Variants in TBX1 observed in about 807,000 individuals in gnomAD.
TBX1 encodes T-box transcription factor TBX1.
A neutral mutation model predicts 40.8 loss-of-function variants in TBX1; 16 were observed. The ratio of observed to expected loss-of-function variants is 0.39; its 90% CI spans 0.27 to 0.60. The LOEUF is 0.60. TBX1 is among the 20% of genes least tolerant of loss of function. TBX1 has a pLI of 0.51. For synonymous variants in TBX1, 403 were observed against 336.8 expected, an observed-to-expected ratio of 1.20 and a Z score of -2.15; for missense variants, 755 against 728.5, an observed-to-expected ratio of 1.04 and a Z score of -0.42.
At chr22:19,759,733 T>A, upstream of TBX1, 1 of 1,595,794 alleles carries the variant, frequency 6.3e-7, no homozygotes, top group Non-Finnish European at 8.6e-7. Flanking sequence ...CTGCCTCAGC[T>A]GCTGTGGGGC....
Position 19,766,375 on chromosome 22 carries a change from G to A in TBX1, c.1037-14G>A. On this transcript the variant is annotated splice_polypyrimidine_tract_variant and intron_variant, in intron 6 of 6. Transcript: ENST00000649276. ...CCCCGGCCGGCCGCGCTCACTCCTC[G>A]GCCCTCTCCGCAGACGCGGCTGAGG... 7.7e-7 allele frequency: 1 copy of A among 1,306,880 alleles called. No individual in the cohort carries two copies. Among genetic ancestry groups the A allele is most frequent in the South Asian group, 2.0e-5 (1 of 50,336 alleles). 81.0% of individuals were successfully genotyped at this position (1,306,880 alleles called of 1,614,324 possible). A position where few individuals can be genotyped will look rare whatever the true frequency, so the allele number is the denominator to read the frequency against.
At chr22:19,762,015 G>A (rs1045493508) in intron 1 of TBX1, among the ~76,000 whole-genome samples, 1 of 152,272 alleles carries the variant, frequency 6.6e-6, no homozygotes, top group African/African-American at 2.4e-5. Context: ...CCAGCTCGGA[G>A]TCCGAACAGC....
intron 8 of TBX1, among the ~76,000 whole-genome samples, chr22:19,776,199 C>T (rs549818670): frequency 2.4e-4 from 36 of 152,158 alleles, no homozygotes; most frequent in African/African-American, 7.5e-4. Context: ...GGCCTGTGCT[C>T]GTGGCTCCGT....
intron 4 of TBX1, 146 bp downstream of exon 4, chr22:19,765,259 C>T: frequency 7.9e-7 from 1 of 1,262,776 alleles, no homozygotes; most frequent in East Asian, 2.5e-5. Context: ...AGCCCCACTC[C>T]CAAGGGCCTC....
At position 19,761,204 on chromosome 22, in the gene TBX1, G is replaced by T; in HGVS notation, c.361G>T (p.Val121Leu). The T allele has an allele frequency of 4.5e-6, 7 of 1,564,076 alleles. No homozygotes were observed. Among genetic ancestry groups the T allele is most frequent in the Non-Finnish European group, 6.1e-6 (7 of 1,153,584 alleles). The change falls in exon 1 of 7, where the codon GTG becomes TTG. Residue 121 changes from valine (V) to leucine (L), a missense_variant. Physicochemically the swap from Val to Leu is conservative, Grantham distance 32. This residue lies in a region of TBX1 where 199 missense variants were observed against 173.0 expected (regional missense o/e 1.15). Coordinates refer to ENST00000649276, the MANE Select transcript of TBX1 (RefSeq NM_001379200.1). Reference sequence around the variant, plus strand: ...GAACGCGAAGGTGGCCGGTGTGAGCGTGCAGCTAGAGATGAAGGCGCTGTG... The same window carrying T: ...GAACGCGAAGGTGGCCGGTGTGAGCTTGCAGCTAGAGATGAAGGCGCTGTG... The part of the protein sequence containing the change: ...KKNAKVAGVS[V>L]QLEMKALWDE...
Position 19,767,096 on chromosome 22 carries a change from C to T in TBX1, c.*229C>T. ...TCCCTGGAGCCACCGCGGGTCCTTC[C>T]CCGGCCCCGAGGGCCAAGGGGGTCC... On this transcript the variant is annotated 3_prime_UTR_variant, in exon 7 of 7. Coordinates refer to ENST00000649276, the MANE Select transcript of TBX1 (RefSeq NM_001379200.1). The T allele has an allele frequency of 7.9e-7, 1 of 1,263,344 alleles. No homozygotes were observed. The highest frequency in any genetic ancestry group is 9.9e-7 in the Non-Finnish European group (1 of 1,006,910). The allele number at this position is 1,263,344 out of a possible 1,614,324, so 78.3% of individuals were successfully genotyped here.
chr22:19,764,141 C>T lies in TBX1; in HGVS notation c.540-14C>T, dbSNP rs1484828267. ...TCACCTCCACATGCACGACCCCACC[C>T]CGTGCCGCTCCAGGTACGCCTTCCA... On this transcript the variant is annotated splice_polypyrimidine_tract_variant and intron_variant, in intron 2 of 6. Transcript: ENST00000649276. The T allele has an allele frequency of 4.3e-6, 7 of 1,612,644 alleles. No homozygotes were observed. Among genetic ancestry groups the T allele is most frequent in the South Asian group, 2.2e-5 (2 of 91,066 alleles).
intron 5 of TBX1, 31 bp from the exon 6 acceptor site, chr22:19,765,870 AG>A: frequency 6.4e-7 from 1 of 1,562,476 alleles, no homozygotes; most frequent in Non-Finnish European, 8.7e-7. Context: ...CGCCTGGCGC[AG>A]GCGCCGCCCT....
upstream of TBX1, among the ~76,000 whole-genome samples, chr22:19,757,732 G>C (rs1158207885): frequency 6.6e-6 from 1 of 152,188 alleles, no homozygotes; most frequent in Non-Finnish European, 1.5e-5. Flanking sequence ...GGCTGGTCCT[G>C]CTCAGAGAGG....
At chr22:19,765,481 A>G (rs570497803) in intron 4 of TBX1, among the ~76,000 whole-genome samples, 6 of 152,120 alleles carry the variant, frequency 3.9e-5, no homozygotes, top group Admixed American at 1.3e-4. Context: ...TGGTGACCAC[A>G]TTCCTGTCCC....
intron 6 of TBX1, 66 bp from the exon 7 acceptor site, chr22:19,766,323 G>A (rs1936840672): frequency 2.4e-6 from 3 of 1,229,010 alleles, no homozygotes; most frequent in Non-Finnish European, 2.0e-6. Flanking sequence ...CCAGGGCCTC[G>A]CATGGGGCGT....
upstream of TBX1, among the ~76,000 whole-genome samples, chr22:19,758,787 G>A (rs1004697626): frequency 5.3e-5 from 8 of 152,294 alleles, no homozygotes; most frequent in East Asian, 5.8e-4. Flanking sequence ...TGCGCGTGAC[G>A]CTCGGGCTCG....
chr22:19,756,829 A>G (rs1936496479), upstream of TBX1: 1 of 152,026 alleles, frequency 6.6e-6, no homozygotes, highest in African/African-American at 2.4e-5. Context: ...GGCTAGGGCC[A>G]TCCGACGGGC....
At chr22:19,772,252 G>A (rs1040246130), downstream of TBX1, among the ~76,000 whole-genome samples, 3 of 152,010 alleles carry the variant, frequency 2.0e-5, no homozygotes, top group South Asian at 2.1e-4. Context: ...ACAGATGTCC[G>A]CCACCACGCC....
intron 8 of TBX1, among the ~76,000 whole-genome samples, chr22:19,778,430 T>TTTC (rs1188121978): frequency 6.7e-6 from 1 of 149,302 alleles, no homozygotes; most frequent in Non-Finnish European, 1.5e-5. Flanking sequence ...CTTTCTTTCT[T>TTTC]TTCTTCTTCT....
At chr22:19,769,576 T>C (rs1036032361), downstream of TBX1, among the ~76,000 whole-genome samples, 10 of 152,238 alleles carry the variant, frequency 6.6e-5, no homozygotes, top group African/African-American at 2.4e-4. Context: ...CCTCAACCAG[T>C]GCCCAGTGAT....
At chr22:19,767,846 A>T (rs1936914937), downstream of TBX1, among the ~76,000 whole-genome samples, 1 of 152,118 alleles carries the variant, frequency 6.6e-6, no homozygotes, top group South Asian at 2.1e-4. Context: ...AACAGGCAGC[A>T]CTGTTCTGCT....
downstream of TBX1, chr22:19,783,462 A>G (rs1347085730): frequency 1.1e-5 from 3 of 282,300 alleles, no homozygotes; most frequent in Non-Finnish European, 2.1e-5. Flanking sequence ...AGGCAGGAGG[A>G]TCACTTGAGC....
At chr22:19,762,337 G>A (rs1224550101) in intron 1 of TBX1, among the ~76,000 whole-genome samples, 1 of 152,252 alleles carries the variant, frequency 6.6e-6, no homozygotes. Context: ...CTGGCTCCTG[G>A]CATCTGTCTT....
Sources: allele counts gnomAD v4.1 joint callset (sites outside exome capture counted in the v4.1 genomes callset), GRCh38; gene constraint gnomAD v4.1.1; regional missense constraint gnomAD v4.1.1; transcripts MANE v1.5; gene names NCBI Gene and HGNC (gene_info 2026-07-23, HGNC 2026-07-21).